THSD7B: variants seen among roughly 807,000 people sequenced by gnomAD.
THSD7B encodes thrombospondin type-1 domain-containing protein 7B.
A neutral mutation model predicts 213.6 loss-of-function variants in THSD7B; 138 were observed. That is an observed-to-expected ratio of 0.65 (90% CI 0.56 to 0.74). The LOEUF is 0.74. Ranked by LOEUF, THSD7B falls within the 30% of genes least tolerant of loss-of-function variation. THSD7B has a pLI of 0.00. For missense variants in THSD7B, 1,931 were observed against 1,991.5 expected, an observed-to-expected ratio of 0.97 and a Z score of 0.58; for synonymous variants, 742 against 687.0, an observed-to-expected ratio of 1.08 and a Z score of -1.25.
intron 3 of THSD7B, among the ~76,000 whole-genome samples, chr2:137,072,497 T>G (rs1462181440): frequency 2.0e-5 from 3 of 152,126 alleles, no homozygotes; most frequent in African/African-American, 7.2e-5. Context: ...CTTAAGGAGA[T>G]TTTGGGCTGA....
At chr2:137,051,449 T>C (rs12986846) in intron 2 of THSD7B, among the ~76,000 whole-genome samples, 18,726 of 152,250 alleles carry the variant, frequency 0.12, 1,868 homozygotes, top group African/African-American at 0.28. Context: ...AATTATTCCG[T>C]AGTTGATGCG....
intron 15 of THSD7B, among the ~76,000 whole-genome samples, chr2:137,558,012 G>C (rs1366224773): frequency 2.6e-5 from 4 of 152,150 alleles, no homozygotes; most frequent in Non-Finnish European, 4.4e-5. Context: ...GACTAAACCA[G>C]GAAGAAGTTG....
At chr2:136,888,881 TAAG>T (rs1428844503) in intron 2 of THSD7B, among the ~76,000 whole-genome samples, 1 of 151,868 alleles carries the variant, frequency 6.6e-6, no homozygotes, top group Non-Finnish European at 1.5e-5. Flanking sequence ...ACCTATATAA[TAAG>T]AATAAAATAT....
At chr2:137,029,015 A>G (rs567690881) in intron 2 of THSD7B, among the ~76,000 whole-genome samples, 1 of 151,584 alleles carries the variant, frequency 6.6e-6, no homozygotes, top group East Asian at 1.9e-4. Flanking sequence ...TAAAATATGC[A>G]TATACAATAT....
chr2:137,281,794 A>G (rs1190653782), intron 12 of THSD7B, among the ~76,000 whole-genome samples: 1 of 152,092 alleles, frequency 6.6e-6, no homozygotes, highest in Non-Finnish European at 1.5e-5. Context: ...TTCTTAATCC[A>G]GTCTATCATT....
At chr2:137,527,499 C>T (rs1680300793) in intron 15 of THSD7B, among the ~76,000 whole-genome samples, 1 of 151,952 alleles carries the variant, frequency 6.6e-6, no homozygotes, top group Non-Finnish European at 1.5e-5. Context: ...ATTTTTTTAG[C>T]TGAACATTGT....
intron 12 of THSD7B, among the ~76,000 whole-genome samples, chr2:137,350,471 T>G (rs891623211): frequency 2.0e-5 from 3 of 151,580 alleles, no homozygotes; most frequent in African/African-American, 7.3e-5. Context: ...AGTCAGAGAG[T>G]GGCACCCGGT....
chr2:136,898,580 C>CCCCA (rs1292226148), intron 2 of THSD7B, among the ~76,000 whole-genome samples: 20 of 53,920 alleles, frequency 3.7e-4, no homozygotes, highest in Non-Finnish European at 8.8e-4. Context: ...TGTCCCCCCG[C>CCCCA]CCCCCCGCCA....
intron 6 of THSD7B, among the ~76,000 whole-genome samples, chr2:137,166,714 A>C (rs936519466): frequency 6.6e-6 from 1 of 152,230 alleles, no homozygotes; most frequent in African/African-American, 2.4e-5. Flanking sequence ...TAGATGTTAC[A>C]TACCAAAAAT....
intron 2 of THSD7B, among the ~76,000 whole-genome samples, chr2:136,991,899 T>C (rs1435500987): frequency 6.6e-6 from 1 of 152,208 alleles, no homozygotes; most frequent in African/African-American, 2.4e-5. Context: ...TATTTGGTTT[T>C]CACAATTTTC....
intron 12 of THSD7B, among the ~76,000 whole-genome samples, chr2:137,361,870 G>A (rs950533362): frequency 2.0e-5 from 3 of 152,046 alleles, no homozygotes; most frequent in African/African-American, 7.2e-5. Flanking sequence ...TCAAATTCAG[G>A]AAATACAGAG....
chr2:137,275,956 A>C lies in THSD7B; in HGVS notation c.2430A>C (p.Leu810Phe), dbSNP rs2104811189. Residue 810 changes from leucine (L) to phenylalanine (F), a missense_variant, in exon 12 of 28, where the codon TTA becomes TTC. Transcript: ENST00000409968. ...WKPQKWSPCILVPESVWQGIT... is the reference protein window; with the variant it reads ...WKPQKWSPCIFVPESVWQGIT... ...CACAGAAATGGAGCCCTTGCATCTTAGTGCCAGAGTCTGTCTGGCAGGGAA... is the reference window on the plus strand; with the variant it reads ...CACAGAAATGGAGCCCTTGCATCTTCGTGCCAGAGTCTGTCTGGCAGGGAA... 1 of 1,612,240 alleles carries C rather than the reference A, an allele frequency of 6.2e-7. No homozygotes were observed. The highest frequency in any genetic ancestry group is 1.1e-5 in the South Asian group (1 of 90,980).
chr2:137,123,634 A>G (rs1183767258), intron 5 of THSD7B, among the ~76,000 whole-genome samples: 3 of 152,200 alleles, frequency 2.0e-5, no homozygotes, highest in East Asian at 1.9e-4. Context: ...ATAACGTTCA[A>G]TGAATGCATG....
chr2:137,623,314 T>C (rs1682557565), intron 20 of THSD7B, among the ~76,000 whole-genome samples: 2 of 152,198 alleles, frequency 1.3e-5, no homozygotes, highest in South Asian at 2.1e-4. Context: ...AACTAGGTAT[T>C]GATGGGACAT....
At chr2:137,061,042 T>TA (rs915884935) in intron 3 of THSD7B, among the ~76,000 whole-genome samples, 11 of 149,778 alleles carry the variant, frequency 7.3e-5, no homozygotes, top group Admixed American at 4.0e-4. Context: ...GAGGGTTTTT[T>TA]AAAAAAAATA....
chr2:137,573,877 G>A (rs1429494934), intron 17 of THSD7B, among the ~76,000 whole-genome samples: 4 of 151,944 alleles, frequency 2.6e-5, no homozygotes, highest in Admixed American at 2.6e-4. Context: ...CAGTTATCTT[G>A]GAAAAATTAA....
intron 7 of THSD7B, among the ~76,000 whole-genome samples, chr2:137,223,261 T>C (rs1681412719): frequency 6.6e-6 from 1 of 152,156 alleles, no homozygotes; most frequent in Non-Finnish European, 1.5e-5. Context: ...CCCTAGAAAT[T>C]CGCAGTGGCT....
At chr2:136,818,944 G>A (rs1285427876) in intron 1 of THSD7B, among the ~76,000 whole-genome samples, 1 of 152,076 alleles carries the variant, frequency 6.6e-6, no homozygotes, top group Non-Finnish European at 1.5e-5. Context: ...TCTCAGTGGA[G>A]CATTAGGTAT....
chr2:137,381,013 C>T (rs115546660), intron 12 of THSD7B, among the ~76,000 whole-genome samples: 4,805 of 152,342 alleles, frequency 0.032, 272 homozygotes, highest in African/African-American at 0.11. Context: ...AAACTGTCTA[C>T]AATTCCTTGA....
Sources: gnomAD v4.1 joint callset for allele counts (sites outside exome capture counted in the v4.1 genomes callset) on GRCh38, gnomAD v4.1.1 for gene constraint, MANE v1.5 for transcripts, NCBI Gene and HGNC (gene_info 2026-07-23, HGNC 2026-07-21) for gene names.